The following TLN2 variants were observed in gnomAD, a reference collection of about 807,000 sequenced individuals.
TLN2 encodes talin-2.
TLN2 carries 118 observed loss-of-function variants against 294.7 expected under a neutral mutation model. That is an observed-to-expected ratio of 0.40 (90% confidence interval 0.34 to 0.47). TLN2 has a LOEUF of 0.47. Ranked by LOEUF, TLN2 falls within the 20% of genes least tolerant of loss-of-function variation. TLN2 has a pLI of 0.84. For missense variants in TLN2, 3,083 were observed against 3,282.2 expected, an observed-to-expected ratio of 0.94 and a Z score of 1.48; for synonymous variants, 1,431 against 1,304.5, an observed-to-expected ratio of 1.10 and a Z score of -2.09.
intron 1 of TLN2, among the ~76,000 whole-genome samples, chr15:62,489,156 G>A (rs2038572424): frequency 6.6e-6 from 1 of 152,126 alleles, no homozygotes; most frequent in Non-Finnish European, 1.5e-5. Flanking sequence ...GCAAGACTCC[G>A]TCTCAAAAGC....
chr15:62,678,543 A>G (rs1379064555), intron 11 of TLN2, among the ~76,000 whole-genome samples: 2 of 152,166 alleles, frequency 1.3e-5, no homozygotes, highest in African/African-American at 4.8e-5. Context: ...AGAGAAATCT[A>G]TAACAGGCTG....
intron 1 of TLN2, among the ~76,000 whole-genome samples, chr15:62,434,450 A>T (rs551284610): frequency 6.6e-5 from 10 of 151,676 alleles, no homozygotes; most frequent in African/African-American, 2.4e-4. Context: ...TCTTTTTTTT[A>T]TCTTTTGCTG....
intron 1 of TLN2, among the ~76,000 whole-genome samples, chr15:62,406,084 C>G (rs1342416868): frequency 6.6e-6 from 1 of 152,136 alleles, no homozygotes; most frequent in Non-Finnish European, 1.5e-5. Context: ...GGGCATTTTT[C>G]TCTTGAATTG....
At chr15:62,546,882 G>T (rs139706950) in intron 1 of TLN2, among the ~76,000 whole-genome samples, 38 of 152,282 alleles carry the variant, frequency 2.5e-4, no homozygotes, top group African/African-American at 8.7e-4. Flanking sequence ...CCATGAGGAG[G>T]CATGCTGCAT....
intron 5 of TLN2, among the ~76,000 whole-genome samples, chr15:62,650,395 A>AG (rs1271137078): frequency 6.6e-6 from 1 of 152,196 alleles, no homozygotes; most frequent in African/African-American, 2.4e-5. Flanking sequence ...CGAGGTTAGT[A>AG]TTTTAAGTAG....
intron 52 of TLN2, among the ~76,000 whole-genome samples, chr15:62,815,053 C>T (rs74809311): frequency 0.013 from 2,001 of 152,170 alleles, 44 homozygotes; most frequent in African/African-American, 0.045. Context: ...CTAGAGAAGA[C>T]ATCAGAATTT....
At chr15:62,787,191 A>G (rs1197548008) in intron 45 of TLN2, among the ~76,000 whole-genome samples, 1 of 152,184 alleles carries the variant, frequency 6.6e-6, no homozygotes, top group Non-Finnish European at 1.5e-5. Flanking sequence ...CACCATGCCC[A>G]GCCACTTTTT....
chr15:62,623,431 A>G (rs544083290), intron 3 of TLN2, among the ~76,000 whole-genome samples: 2 of 152,346 alleles, frequency 1.3e-5, no homozygotes, highest in East Asian at 3.9e-4. Flanking sequence ...GGTTCCATCT[A>G]CCAAAACCAA....
At chr15:62,539,035 A>G (rs1233643873) in intron 1 of TLN2, among the ~76,000 whole-genome samples, 1 of 152,154 alleles carries the variant, frequency 6.6e-6, no homozygotes, top group Non-Finnish European at 1.5e-5. Flanking sequence ...GCAAAGGGAG[A>G]ATACCCATGG....
intron 32 of TLN2, among the ~76,000 whole-genome samples, chr15:62,742,479 T>C (rs541351287): frequency 3.9e-4 from 60 of 152,204 alleles, no homozygotes; most frequent in South Asian, 3.1e-3. Flanking sequence ...CTCTCCTAAA[T>C]TGTGGGAAGG....
chr15:62,504,527 G>C (rs1213010023), intron 1 of TLN2, among the ~76,000 whole-genome samples: 1 of 152,170 alleles, frequency 6.6e-6, no homozygotes, highest in Non-Finnish European at 1.5e-5. Flanking sequence ...ACCCACACAT[G>C]TATGATCAAT....
intron 1 of TLN2, among the ~76,000 whole-genome samples, chr15:62,475,257 G>A (rs535586415): frequency 6.6e-6 from 1 of 152,158 alleles, no homozygotes; most frequent in Admixed American, 6.5e-5. Context: ...TGTATAAGCC[G>A]ACTTAATGGG....
intron 55 of TLN2, chr15:62,833,920 C>T (rs1338881885): frequency 1.5e-5 from 4 of 268,618 alleles, no homozygotes; most frequent in East Asian, 7.1e-5. Context: ...CATTAGGCTA[C>T]GTAAAGATGT....
At chr15:62,512,553 G>A (rs370842741) in intron 1 of TLN2, among the ~76,000 whole-genome samples, 4 of 152,296 alleles carry the variant, frequency 2.6e-5, no homozygotes, top group East Asian at 3.9e-4. Flanking sequence ...AAAAAATTTA[G>A]ATGGTAATTG....
At chr15:62,452,903 C>G (rs1488176478) in intron 1 of TLN2, among the ~76,000 whole-genome samples, 2 of 151,978 alleles carry the variant, frequency 1.3e-5, no homozygotes, top group Non-Finnish European at 2.9e-5. Context: ...AAGTTTGCTT[C>G]CAGCTGTTCT....
intron 1 of TLN2, among the ~76,000 whole-genome samples, chr15:62,462,039 GGTGAAACCCC>G (rs2036836474): frequency 6.6e-6 from 1 of 151,990 alleles, no homozygotes; most frequent in African/African-American, 2.4e-5. Context: ...TGGCCGATAT[GGTGAAACCCC>G]GTCTCTACTA....
chr15:62,756,486 G>C (rs879495748), intron 37 of TLN2, among the ~76,000 whole-genome samples: 1 of 152,086 alleles, frequency 6.6e-6, no homozygotes, highest in Non-Finnish European at 1.5e-5. Flanking sequence ...CAGCACCATC[G>C]CGCCAGCTCC....
At position 62,843,588 on chromosome 15, in the gene TLN2, T is replaced by C. The variant is rs1363004636; in HGVS notation, c.*2978T>C. 1 of 152,324 alleles carries C rather than the reference T, an allele frequency of 6.6e-6. No homozygotes were observed. Among genetic ancestry groups the C allele is most frequent in the African/African-American group, 2.4e-5 (1 of 41,476 alleles). 9.4% of individuals were successfully genotyped at this position (152,324 alleles called of 1,614,324 possible). ...GAGCTGCCTGTAGCCTCACGGCATA[T>C]GCTTTTATCAGGGAAAACCCTTCGA... On this transcript the variant is annotated 3_prime_UTR_variant, in exon 59 of 59. Coordinates refer to ENST00000636159, the MANE Select transcript of TLN2 (RefSeq NM_015059.3).
chr15:62,530,101 G>A (rs543234352), intron 1 of TLN2, among the ~76,000 whole-genome samples: 4 of 152,288 alleles, frequency 2.6e-5, no homozygotes, highest in Admixed American at 2.6e-4. Flanking sequence ...TGAGGCAGGA[G>A]AATTGCTTGA....
Sources: allele counts gnomAD v4.1 joint callset (sites outside exome capture counted in the v4.1 genomes callset), GRCh38; gene constraint gnomAD v4.1.1; transcripts MANE v1.5; gene names NCBI Gene and HGNC (gene_info 2026-07-23, HGNC 2026-07-21).